Variants in PLCB4 observed in about 807,000 individuals in gnomAD.
PLCB4 encodes the protein phospholipase C beta 4.
A neutral mutation model predicts 178.8 loss-of-function variants in PLCB4; 77 were observed. That is an observed-to-expected ratio of 0.43 (90% CI 0.36 to 0.52). The LOEUF is 0.52. PLCB4 is among the 20% of genes least tolerant of loss of function. PLCB4 has a pLI of 0.00. For missense variants in PLCB4, 1,024 were observed against 1,453.4 expected (o/e 0.70, Z 4.80); for synonymous variants, 496 against 490.8 (o/e 1.01, Z -0.14).
At chr20:9,095,685 A>G (rs2146596365) in intron 1 of PLCB4, among the ~76,000 whole-genome samples, 1 of 152,318 alleles carries the variant, frequency 6.6e-6, no homozygotes, top group Admixed American at 6.5e-5. Flanking sequence ...CATGTAAAAT[A>G]AAATCAGAGG....
At chr20:9,251,746 C>T (rs569829143) in intron 3 of PLCB4, among the ~76,000 whole-genome samples, 34 of 152,098 alleles carry the variant, frequency 2.2e-4, no homozygotes, top group African/African-American at 7.7e-4. Flanking sequence ...ATAAAGACCT[C>T]AATTCCCTTT....
At chr20:9,446,309 C>T (rs1271895945) in intron 32 of PLCB4, among the ~76,000 whole-genome samples, 1 of 152,174 alleles carries the variant, frequency 6.6e-6, no homozygotes, top group Non-Finnish European at 1.5e-5. Flanking sequence ...ATATGGGATG[C>T]TCACTAAGTG....
At chr20:9,283,655 T>G (rs1300572175) in intron 3 of PLCB4, among the ~76,000 whole-genome samples, 1 of 151,914 alleles carries the variant, frequency 6.6e-6, no homozygotes, top group Non-Finnish European at 1.5e-5. Flanking sequence ...TGTAAAATAT[T>G]ATTTTGCTTA....
chr20:9,407,880 G>A, intron 21 of PLCB4, 37 bp from the exon 22 acceptor site: 1 of 1,585,990 alleles, frequency 6.3e-7, no homozygotes, highest in Non-Finnish European at 8.6e-7. Context: ...TCCTACTGAA[G>A]TCATCAACTT....
chr20:9,325,652 C>A (rs543093295), intron 4 of PLCB4, among the ~76,000 whole-genome samples: 3 of 152,100 alleles, frequency 2.0e-5, no homozygotes, highest in Non-Finnish European at 4.4e-5. Flanking sequence ...AAAGATTTAA[C>A]ATCTATATCG....
intron 3 of PLCB4, among the ~76,000 whole-genome samples, chr20:9,246,807 G>A (rs2094131289): frequency 6.6e-6 from 1 of 152,086 alleles, no homozygotes; most frequent in African/African-American, 2.4e-5. Flanking sequence ...CCTTGTTTTA[G>A]TTGCTTAGGG....
At chr20:9,217,362 C>T (rs1255776780) in intron 2 of PLCB4, 28 bp from the exon 3 acceptor site, 3 of 152,214 alleles carry the variant, frequency 2.0e-5, no homozygotes, top group Middle Eastern at 3.4e-3. Context: ...TCCTTTACAT[C>T]GATTTGTCTT....
rs1165561560 is a variant in PLCB4 at position 9,479,965 on chromosome 20, A to G, written c.*956A>G. The G allele has an allele frequency of 6.6e-6, 1 of 152,516 alleles. No individual in the cohort carries two copies. Among genetic ancestry groups the G allele is most frequent in the African/African-American group, 2.4e-5 (1 of 41,452 alleles). 9.4% of individuals were successfully genotyped at this position (152,516 alleles called of 1,614,324 possible). ...GTTAAATAAATGTATGGCACAGAAT[A>G]TAATTTGACTATCAAGACTTTTAGC... On this transcript the variant is annotated 3_prime_UTR_variant, in exon 40 of 40. Coordinates refer to ENST00000378473, the MANE Select transcript of PLCB4 (RefSeq NM_001377142.1).
chr20:9,143,168 C>A (rs1057424461), intron 2 of PLCB4, among the ~76,000 whole-genome samples: 4 of 152,114 alleles, frequency 2.6e-5, no homozygotes, highest in African/African-American at 4.8e-5. Context: ...TAGTCTTTTT[C>A]CTCCATAACC....
intron 3 of PLCB4, among the ~76,000 whole-genome samples, chr20:9,292,501 A>G (rs2094589010): frequency 6.6e-6 from 1 of 152,188 alleles, no homozygotes; most frequent in Admixed American, 6.5e-5. Context: ...GTGAGGACCT[A>G]GGTGCCAATC....
intron 3 of PLCB4, among the ~76,000 whole-genome samples, chr20:9,218,341 G>A (rs568973737): frequency 2.0e-5 from 3 of 152,240 alleles, no homozygotes; most frequent in East Asian, 1.9e-4. Flanking sequence ...TCCTGACTTC[G>A]TGATCTGCCC....
At chr20:9,117,746 C>T (rs1218007714) in intron 2 of PLCB4, among the ~76,000 whole-genome samples, 1 of 152,158 alleles carries the variant, frequency 6.6e-6, no homozygotes, top group Non-Finnish European at 1.5e-5. Flanking sequence ...ATTCCTACCC[C>T]AGGGCCTTTG....
chr20:9,287,195 A>G (rs923740402), intron 3 of PLCB4, among the ~76,000 whole-genome samples: 15 of 152,088 alleles, frequency 9.9e-5, no homozygotes, highest in African/African-American at 7.2e-5. Context: ...TCTGGAATAT[A>G]TGAGTTAGAA....
chr20:9,207,068 A>T (rs1481739044), intron 2 of PLCB4, among the ~76,000 whole-genome samples: 1 of 152,212 alleles, frequency 6.6e-6, no homozygotes, highest in Non-Finnish European at 1.5e-5. Flanking sequence ...GTGAGCCGAG[A>T]TCGTGCCACT....
chr20:9,419,145 C>T (rs1348604277), intron 25 of PLCB4, among the ~76,000 whole-genome samples: 1 of 151,736 alleles, frequency 6.6e-6, no homozygotes, highest in Non-Finnish European at 1.5e-5. Flanking sequence ...ATCTGGATGC[C>T]TTTTAATTTG....
At chr20:9,403,994 A>G in intron 20 of PLCB4, among the ~76,000 whole-genome samples, 1 of 152,170 alleles carries the variant, frequency 6.6e-6, no homozygotes, top group Non-Finnish European at 1.5e-5. Flanking sequence ...ATGACTAGAG[A>G]CTATGCTTTT....
intron 2 of PLCB4, among the ~76,000 whole-genome samples, chr20:9,194,675 A>G (rs1357026430): frequency 1.4e-5 from 2 of 146,742 alleles, no homozygotes; most frequent in African/African-American, 2.6e-5. Context: ...CCTGGGCGAC[A>G]GAGCAAGACT....
intron 19 of PLCB4, among the ~76,000 whole-genome samples, chr20:9,397,564 A>T (rs898909462): frequency 4.6e-5 from 7 of 152,216 alleles, no homozygotes; most frequent in South Asian, 2.1e-4. Context: ...AGAGCTAAAA[A>T]TCCAAAAGTT....
intron 28 of PLCB4, among the ~76,000 whole-genome samples, chr20:9,431,670 G>A (rs2148621223): frequency 6.6e-6 from 1 of 151,648 alleles, no homozygotes; most frequent in African/African-American, 2.4e-5. Flanking sequence ...GTGTGTGTGT[G>A]TGTGTGTGTG....
Sources: allele counts gnomAD v4.1 joint callset (sites outside exome capture counted in the v4.1 genomes callset), GRCh38; gene constraint gnomAD v4.1.1; transcripts MANE v1.5; gene names NCBI Gene and HGNC (gene_info 2026-07-23, HGNC 2026-07-21).